Variants in ALK observed in about 807,000 individuals in gnomAD.
ALK encodes the protein ALK tyrosine kinase receptor.
ALK carries 74 observed loss-of-function variants against 163.1 expected under a neutral mutation model. That is an observed-to-expected ratio of 0.45 (90% CI 0.38 to 0.55). ALK has a LOEUF of 0.55. Ranked by LOEUF, ALK falls within the 20% of genes least tolerant of loss-of-function variation. ALK has a pLI of 0.00. For missense variants in ALK, 2,063 were observed against 2,105.3 expected (o/e 0.98, Z 0.39); for synonymous variants, 960 against 843.2 (o/e 1.14, Z -2.40).
At chr2:29,604,770 C>G (rs1239595848) in intron 3 of ALK, among the ~76,000 whole-genome samples, 4 of 152,184 alleles carry the variant, frequency 2.6e-5, no homozygotes, top group Non-Finnish European at 5.9e-5. Flanking sequence ...GTTCTGCTCA[C>G]ATCTCTGACA....
chr2:29,687,510 T>C (rs1678273245), intron 3 of ALK, among the ~76,000 whole-genome samples: 1 of 152,058 alleles, frequency 6.6e-6, no homozygotes, highest in South Asian at 2.1e-4. Flanking sequence ...TAGTCTCGAA[T>C]GATAATTTTT....
chr2:29,342,171 A>G (rs749675429), intron 5 of ALK, among the ~76,000 whole-genome samples: 2 of 152,216 alleles, frequency 1.3e-5, no homozygotes, highest in African/African-American at 2.4e-5. Context: ...GTTGGCAAAG[A>G]TATAGAGAAA....
intron 5 of ALK, 81 bp downstream of exon 5, chr2:29,383,651 C>T (rs1189255495): frequency 3.8e-6 from 6 of 1,592,994 alleles, no homozygotes; most frequent in Non-Finnish European, 5.2e-6. Context: ...GTGCACATTC[C>T]CAGCCAAACA....
intron 3 of ALK, among the ~76,000 whole-genome samples, chr2:29,549,635 G>A (rs1037190656): frequency 9.9e-5 from 15 of 152,096 alleles, no homozygotes; most frequent in African/African-American, 3.1e-4. Context: ...AACAACTTGG[G>A]TATGTGAATA....
At chr2:29,837,400 T>C in intron 1 of ALK, among the ~76,000 whole-genome samples, 1 of 152,194 alleles carries the variant, frequency 6.6e-6, no homozygotes, top group Non-Finnish European at 1.5e-5. Context: ...GCATAGGTAT[T>C]CCCTTGAGTC....
At chr2:29,536,513 C>T (rs1377924819) in intron 3 of ALK, among the ~76,000 whole-genome samples, 2 of 152,142 alleles carry the variant, frequency 1.3e-5, no homozygotes, top group African/African-American at 4.8e-5. Flanking sequence ...AATTAAATCT[C>T]TTTTCTTTAT....
At chr2:29,831,490 T>C (rs1201818326) in intron 1 of ALK, among the ~76,000 whole-genome samples, 4 of 152,136 alleles carry the variant, frequency 2.6e-5, no homozygotes, top group Non-Finnish European at 5.9e-5. Context: ...TCTTAGTTCC[T>C]GATCAGCTCC....
chr2:29,841,429 T>C (rs1161193837), intron 1 of ALK, among the ~76,000 whole-genome samples: 2 of 152,256 alleles, frequency 1.3e-5, no homozygotes, highest in African/African-American at 4.8e-5. Flanking sequence ...TCTATTGCAT[T>C]CATGGCAGGT....
chr2:29,408,483 G>A (rs953703867), intron 4 of ALK, among the ~76,000 whole-genome samples: 5 of 152,158 alleles, frequency 3.3e-5, no homozygotes, highest in South Asian at 2.1e-4. Flanking sequence ...AGGAGCCAGT[G>A]GGCAGGGAGC....
chr2:29,272,759 G>A (rs1279928430), intron 11 of ALK, among the ~76,000 whole-genome samples: 3 of 152,168 alleles, frequency 2.0e-5, no homozygotes, highest in African/African-American at 7.2e-5. Flanking sequence ...TTTACTGTTC[G>A]TTCAGGGCCT....
chr2:29,358,260 C>T (rs906138059), intron 5 of ALK, among the ~76,000 whole-genome samples: 2 of 152,190 alleles, frequency 1.3e-5, no homozygotes, highest in Admixed American at 1.3e-4. Context: ...ATGCTGTCCT[C>T]TTAAGATATT....
chr2:29,677,112 A>G (rs930263945), intron 3 of ALK, among the ~76,000 whole-genome samples: 1 of 151,560 alleles, frequency 6.6e-6, no homozygotes, highest in Non-Finnish European at 1.5e-5. Flanking sequence ...TCCAATCTGT[A>G]TATCTGTATG....
At chr2:29,337,590 G>A (rs1667656206) in intron 5 of ALK, among the ~76,000 whole-genome samples, 1 of 152,110 alleles carries the variant, frequency 6.6e-6, no homozygotes, top group African/African-American at 2.4e-5. Flanking sequence ...GGGGAGCTTG[G>A]AAAAAGCAGG....
chr2:29,906,921 T>A (rs1320287369), intron 1 of ALK, among the ~76,000 whole-genome samples: 1 of 141,470 alleles, frequency 7.1e-6, no homozygotes, highest in Non-Finnish European at 1.5e-5. Context: ...CCCAGAAATA[T>A]ACATATACAT....
chr2:29,780,940 A>T (rs189322669), intron 1 of ALK, among the ~76,000 whole-genome samples: 146 of 152,352 alleles, frequency 9.6e-4, no homozygotes, highest in African/African-American at 2.6e-3. Flanking sequence ...GTAGGAATGG[A>T]TTAAAATATG....
intron 4 of ALK, among the ~76,000 whole-genome samples, chr2:29,514,689 G>T (rs1573418920): frequency 6.6e-6 from 1 of 152,154 alleles, no homozygotes. Flanking sequence ...TGCCTGTTTT[G>T]GTGAATGGCT....
intron 3 of ALK, among the ~76,000 whole-genome samples, chr2:29,607,059 T>A (rs1367333817): frequency 6.6e-6 from 1 of 152,254 alleles, no homozygotes; most frequent in Non-Finnish European, 1.5e-5. Context: ...GCACAGGCAG[T>A]GAAACACCAA....
chr2:29,841,634 A>C (rs1665703044), intron 1 of ALK, among the ~76,000 whole-genome samples: 1 of 152,182 alleles, frequency 6.6e-6, no homozygotes, highest in Non-Finnish European at 1.5e-5. Context: ...GCGCTCCGTG[A>C]GTCCTGGGGA....
intron 3 of ALK, among the ~76,000 whole-genome samples, chr2:29,544,449 C>A: frequency 6.6e-6 from 1 of 152,124 alleles, no homozygotes; most frequent in East Asian, 1.9e-4. Flanking sequence ...TTCCCAAACT[C>A]CTTTGTGCAC....
Sources: allele counts gnomAD v4.1 joint callset (sites outside exome capture counted in the v4.1 genomes callset), GRCh38; gene constraint gnomAD v4.1.1; transcripts MANE v1.5; gene names NCBI Gene and HGNC (gene_info 2026-07-23, HGNC 2026-07-21).